Variants in DOCK3 observed in about 807,000 individuals in gnomAD.
DOCK3 encodes dedicator of cytokinesis 3.
Under a neutral mutation model 265.6 loss-of-function variants are expected in DOCK3, and 60 were observed. The ratio of observed to expected loss-of-function variants is 0.23; its 90% CI spans 0.18 to 0.28. The LOEUF (loss-of-function observed/expected upper bound fraction) is 0.28, where lower values mean the gene tolerates loss of function less well. DOCK3 is among the 10% of genes least tolerant of loss of function. The pLI is 1.00. For synonymous variants in DOCK3, 881 were observed against 938.0 expected (o/e 0.94, Z 1.11); for missense variants, 1,981 against 2,594.3 (o/e 0.76, Z 5.14).
At chr3:51,233,981 G>A (rs569026153) in intron 19 of DOCK3, among the ~76,000 whole-genome samples, 7 of 152,282 alleles carry the variant, frequency 4.6e-5, no homozygotes, top group African/African-American at 4.8e-5. Flanking sequence ...TCAACATACT[G>A]ATTTCAATTT....
chr3:51,203,171 A>C (rs1256480646), intron 12 of DOCK3, among the ~76,000 whole-genome samples: 1 of 152,128 alleles, frequency 6.6e-6, no homozygotes, highest in Non-Finnish European at 1.5e-5. Context: ...TGGCCAGGGC[A>C]ATTAGGCAGG....
At chr3:51,261,636 G>A (rs559915733) in intron 23 of DOCK3, among the ~76,000 whole-genome samples, 3 of 152,234 alleles carry the variant, frequency 2.0e-5, no homozygotes, top group South Asian at 4.1e-4. Flanking sequence ...CCACCCCCAC[G>A]GAGCCCAGCA....
rs782370104 is a variant in DOCK3, at chr3:51,380,222, C to T, written c.5583+15C>T. ...CCCTGCGCAAGGTAATGTACTGAAG[C>T]GGCAGCCCCACCAGGCTGTGAGATG... On this transcript the variant is annotated intron_variant, in intron 52 of 52. Coordinates refer to ENST00000266037, the MANE Select transcript of DOCK3 (RefSeq NM_004947.5). 7.7e-5 allele frequency: 123 copies of T among 1,607,254 alleles called. No homozygotes were observed. The highest frequency in any genetic ancestry group is 9.9e-5 in the Non-Finnish European group (116 of 1,175,818).
intron 1 of DOCK3, among the ~76,000 whole-genome samples, chr3:50,733,683 CTG>C (rs1203370356): frequency 1.1e-4 from 16 of 152,302 alleles, no homozygotes; most frequent in African/African-American, 3.6e-4. Context: ...TTTGGCCACT[CTG>C]TGTCTTTTTT....
intron 3 of DOCK3, among the ~76,000 whole-genome samples, chr3:50,842,689 G>C (rs546348630): frequency 5.3e-5 from 8 of 152,132 alleles, no homozygotes; most frequent in Middle Eastern, 6.8e-3. Context: ...AGACATTGCT[G>C]AATTTGTCTT....
chr3:50,729,087 G>A (rs1187734890), intron 1 of DOCK3, among the ~76,000 whole-genome samples: 1 of 144,596 alleles, frequency 6.9e-6, no homozygotes, highest in Non-Finnish European at 1.5e-5. Flanking sequence ...TTGGGAGGCC[G>A]AGGCAGGTGG....
intron 27 of DOCK3, among the ~76,000 whole-genome samples, chr3:51,292,905 A>G (rs1244495901): frequency 6.6e-6 from 1 of 152,104 alleles, no homozygotes; most frequent in Non-Finnish European, 1.5e-5. Flanking sequence ...TCAGGGGTAC[A>G]TTTAACCAAG....
In DOCK3 at chr3:51,237,521, A is replaced by G; in HGVS notation, c.2033A>G (p.Lys678Arg). ...VFIINLLRDI[K>R]YFHFRPVMDT... The stretch of plus-strand genomic sequence containing the variant: ...ATCATCAACCTGCTCCGAGACATCA[A>G]GTATTTTCACTTTCGACCTGTGATG... Residue 678 changes from lysine (K) to arginine (R), a missense_variant, in exon 21 of 53, where the codon AAG becomes AGG. Transcript: ENST00000266037. 5 of 1,613,236 alleles carry G rather than the reference A, an allele frequency of 3.1e-6. No individual in the cohort carries two copies. The highest frequency in any genetic ancestry group is 4.2e-6 in the Non-Finnish European group (5 of 1,179,712).
intron 27 of DOCK3, among the ~76,000 whole-genome samples, chr3:51,291,238 G>A (rs2081752353): frequency 6.6e-6 from 1 of 151,660 alleles, no homozygotes; most frequent in African/African-American, 2.4e-5. Context: ...ACACCTCAAG[G>A]AACTAGTAAA....
intron 4 of DOCK3, among the ~76,000 whole-genome samples, chr3:50,912,356 C>T (rs2049901425): frequency 6.6e-6 from 1 of 152,066 alleles, no homozygotes; most frequent in Admixed American, 6.5e-5. Flanking sequence ...ACACAAGCAC[C>T]TCTGTGGTCA....
At chr3:51,179,935 C>T (rs545439667) in intron 12 of DOCK3, among the ~76,000 whole-genome samples, 3 of 151,432 alleles carry the variant, frequency 2.0e-5, no homozygotes, top group Non-Finnish European at 4.4e-5. Flanking sequence ...CCGGCGGACG[C>T]GGTGTCTCAT....
At chr3:50,706,588 A>G (rs1186785327) in intron 1 of DOCK3, among the ~76,000 whole-genome samples, 1 of 152,082 alleles carries the variant, frequency 6.6e-6, no homozygotes, top group African/African-American at 2.4e-5. Context: ...ATGGGATTGA[A>G]TCTATATGGA....
chr3:51,128,536 G>A (rs150412533), intron 9 of DOCK3, among the ~76,000 whole-genome samples: 85 of 152,328 alleles, frequency 5.6e-4, no homozygotes, highest in Admixed American at 1.7e-3. Context: ...CCATGACGGT[G>A]GATGAGGCAT....
At chr3:51,157,771 A>G (rs2085924283) in intron 10 of DOCK3, among the ~76,000 whole-genome samples, 1 of 151,516 alleles carries the variant, frequency 6.6e-6, no homozygotes, top group Non-Finnish European at 1.5e-5. Context: ...GCTCATTCCA[A>G]ATCATGACTG....
At chr3:51,103,945 G>A (rs1419667930) in intron 9 of DOCK3, among the ~76,000 whole-genome samples, 4 of 152,118 alleles carry the variant, frequency 2.6e-5, no homozygotes, top group African/African-American at 9.7e-5. Context: ...ACAAAAAACA[G>A]GATGAGTAAG....
At chr3:50,855,002 A>G (rs2046520996) in intron 3 of DOCK3, among the ~76,000 whole-genome samples, 1 of 151,918 alleles carries the variant, frequency 6.6e-6, no homozygotes. Context: ...CTATTTTTGT[A>G]CCATTACCAC....
chr3:51,014,382 C>T (rs1327455841), intron 5 of DOCK3, among the ~76,000 whole-genome samples: 1 of 152,146 alleles, frequency 6.6e-6, no homozygotes, highest in Non-Finnish European at 1.5e-5. Context: ...TTCTCTCTTA[C>T]ATTCTCCACC....
intron 40 of DOCK3, among the ~76,000 whole-genome samples, chr3:51,351,468 G>T (rs1398272563): frequency 6.6e-6 from 1 of 152,106 alleles, no homozygotes; most frequent in Non-Finnish European, 1.5e-5. Flanking sequence ...GCAGAAGTAA[G>T]GCAGGTCAAC....
intron 12 of DOCK3, among the ~76,000 whole-genome samples, chr3:51,199,185 C>T (rs539161060): frequency 2.4e-4 from 36 of 152,194 alleles, no homozygotes; most frequent in Admixed American, 1.4e-3. Flanking sequence ...AGACAATGGG[C>T]GCAGGTCAGT....
Sources: allele counts gnomAD v4.1 joint callset (sites outside exome capture counted in the v4.1 genomes callset), GRCh38; gene constraint gnomAD v4.1.1; transcripts MANE v1.5; gene names NCBI Gene and HGNC (gene_info 2026-07-23, HGNC 2026-07-21).